Variants in DOCK10 observed in about 807,000 individuals in gnomAD.
The protein encoded by DOCK10 is dedicator of cytokinesis 10.
Under a neutral mutation model 280.1 loss-of-function variants are expected in DOCK10, and 145 were observed. The observed-to-expected ratio is 0.52, with a 90% confidence interval of 0.45 to 0.59. The LOEUF is 0.59. Among genes scored for constraint, DOCK10 ranks in the 20% least tolerant of loss-of-function variants. The pLI is 0.00. For synonymous variants in DOCK10, 915 were observed against 942.2 expected, an observed-to-expected ratio of 0.97 and a Z score of 0.53; for missense variants, 2,368 against 2,651.7, an observed-to-expected ratio of 0.89 and a Z score of 2.35.
At chr2:224,937,779 A>G (rs1389145990) in intron 1 of DOCK10, among the ~76,000 whole-genome samples, 1 of 152,210 alleles carries the variant, frequency 6.6e-6, no homozygotes, top group Non-Finnish European at 1.5e-5. Context: ...TTGCAGATCA[A>G]AAGAGAAGGA....
chr2:224,931,511 C>A, intron 2 of DOCK10, 38 bp downstream of exon 2: 1 of 1,569,398 alleles, frequency 6.4e-7, no homozygotes, highest in Non-Finnish European at 8.7e-7. Flanking sequence ...TGTGTAGGGC[C>A]CTCCTGAATC....
At chr2:225,035,570 A>AT (rs368666534) in intron 1 of DOCK10, among the ~76,000 whole-genome samples, 3,537 of 58,094 alleles carry the variant, frequency 0.061, 328 homozygotes, top group South Asian at 0.12. Flanking sequence ...ATATATATAT[A>AT]TATATATATA....
At position 224,843,226 on chromosome 2, in the gene DOCK10, C is replaced by T. The variant is rs947845459; in HGVS notation, c.2569-1330G>A. 5.9e-4 allele frequency among the ~76,000 whole-genome samples: 90 copies of T among 152,158 alleles called. 1 individual carries two copies. The highest frequency in any genetic ancestry group is 2.0e-3 in the African/African-American group (82 of 41,514). On this transcript the variant is annotated intron_variant, in intron 22 of 55. Coordinates refer to ENST00000258390, the MANE Select transcript of DOCK10 (RefSeq NM_014689.3). ...GTGTCAAAGGGATCACTGGGTCTTGCGGGAACTAGGTGGATATTGTTTGGC... is the reference window on the plus strand; with the variant it reads ...GTGTCAAAGGGATCACTGGGTCTTGTGGGAACTAGGTGGATATTGTTTGGC...
intron 2 of DOCK10, among the ~76,000 whole-genome samples, chr2:224,922,094 G>A (rs902123152): frequency 1.4e-5 from 2 of 144,536 alleles, no homozygotes; most frequent in African/African-American, 2.6e-5. Flanking sequence ...ACTCCAGCCC[G>A]GGCAGCAAGA....
chr2:224,896,491 C>T, intron 3 of DOCK10, 114 bp from the exon 4 acceptor site: 1 of 591,910 alleles, frequency 1.7e-6, no homozygotes, highest in African/African-American at 1.9e-5. Context: ...GGTAGATCAC[C>T]TGAGATCAGG....
chr2:224,832,717 AT>A (rs1695315653), intron 26 of DOCK10, among the ~76,000 whole-genome samples: 1 of 152,192 alleles, frequency 6.6e-6, no homozygotes, highest in African/African-American at 2.4e-5. Flanking sequence ...TGTCCAAAAT[AT>A]TTTGAGCCAT....
chr2:224,864,609 T>C lies in DOCK10; in HGVS notation c.1546A>G (p.Met516Val), dbSNP rs760207989. 3.3e-5 allele frequency: 53 copies of C among 1,613,434 alleles called. No homozygotes were observed. The highest frequency in any genetic ancestry group is 4.5e-5 in the Non-Finnish European group (53 of 1,179,824). Residue 516 changes from methionine (M) to valine (V), a missense_variant, in exon 13 of 56, where the codon ATG (methionine) becomes GTG (valine). Transcript: ENST00000258390. ...TCGGCACCACTTGCAATGTTTCCCA[T>C]CAAGACTTTTTCGATTTTGGCCACC... ...VLVAKIEKVLMGNIASGAEPY... is the reference protein window; with the variant it reads ...VLVAKIEKVLVGNIASGAEPY...
At chr2:224,877,867 T>C (rs527656436) in intron 7 of DOCK10, among the ~76,000 whole-genome samples, 9 of 152,314 alleles carry the variant, frequency 5.9e-5, no homozygotes, top group Middle Eastern at 3.4e-3. Flanking sequence ...GTTGGAAAGA[T>C]TACTGAAGAT....
chr2:224,946,899 T>C, intron 1 of DOCK10: 1 of 1,547,160 alleles, frequency 6.5e-7, no homozygotes, highest in Non-Finnish European at 8.7e-7. Context: ...AGTTCGTCTC[T>C]TCTTCCAAAA....
intron 3 of DOCK10, among the ~76,000 whole-genome samples, chr2:224,913,588 G>T (rs1455128602): frequency 6.6e-6 from 1 of 152,086 alleles, no homozygotes; most frequent in Non-Finnish European, 1.5e-5. Flanking sequence ...TCTGTGTATG[G>T]TACTGTACAT....
intron 4 of DOCK10, among the ~76,000 whole-genome samples, chr2:224,892,928 T>C (rs1325663698): frequency 6.6e-6 from 1 of 152,250 alleles, no homozygotes; most frequent in African/African-American, 2.4e-5. Flanking sequence ...TTAAAGGTCA[T>C]GAAAAGATCA....
At chr2:224,872,943 T>TA (rs1407997533) in intron 11 of DOCK10, among the ~76,000 whole-genome samples, 1 of 152,200 alleles carries the variant, frequency 6.6e-6, no homozygotes, top group Non-Finnish European at 1.5e-5. Context: ...TGAGTGATTT[T>TA]AAAAAATAAT....
intron 3 of DOCK10, among the ~76,000 whole-genome samples, chr2:224,910,835 G>A (rs11682768): frequency 0.57 from 86,635 of 151,962 alleles, 25,461 homozygotes; most frequent in Non-Finnish European, 0.64. Context: ...CCCATCCTAT[G>A]AAGCACAGGT....
intron 1 of DOCK10, among the ~76,000 whole-genome samples, chr2:224,991,015 C>G (rs1559933247): frequency 6.6e-6 from 1 of 152,238 alleles, no homozygotes; most frequent in Non-Finnish European, 1.5e-5. Context: ...GCTTGCTGAA[C>G]TAAGCTCACA....
chr2:224,853,189 A>T, intron 16 of DOCK10, 67 bp from the exon 17 acceptor site: 1 of 1,331,038 alleles, frequency 7.5e-7, no homozygotes, highest in Non-Finnish European at 1.0e-6. Flanking sequence ...AATAGTTAAC[A>T]TGTTTTAAAA....
At chr2:224,917,101 CTTTTTTTTT>C (rs58223345) in intron 2 of DOCK10, among the ~76,000 whole-genome samples, 30,122 of 96,374 alleles carry the variant, frequency 0.31, 4,535 homozygotes, top group Middle Eastern at 0.48. Flanking sequence ...CTATTGGAAT[CTTTTTTTTT>C]TTTTTTTTTT....
At chr2:224,861,474 G>A (rs144972614) in intron 14 of DOCK10, 3 of 152,310 alleles carry the variant, frequency 2.0e-5, no homozygotes, top group South Asian at 2.1e-4. Context: ...TAGGGCAAAC[G>A]AATTCCTGGA....
intron 1 of DOCK10, among the ~76,000 whole-genome samples, chr2:224,968,310 T>G (rs1257712801): frequency 6.6e-6 from 1 of 152,196 alleles, no homozygotes; most frequent in Non-Finnish European, 1.5e-5. Flanking sequence ...TAGTTTAAAC[T>G]TTTGATTCAT....
intron 3 of DOCK10, among the ~76,000 whole-genome samples, chr2:224,902,703 ATT>A (rs34406882): frequency 2.7e-5 from 4 of 146,238 alleles, no homozygotes; most frequent in Non-Finnish European, 1.5e-5. Context: ...CACTGAAAAC[ATT>A]TTTTTTTTTT....
Sources: allele counts gnomAD v4.1 joint callset (sites outside exome capture counted in the v4.1 genomes callset), GRCh38; gene constraint gnomAD v4.1.1; transcripts MANE v1.5; gene names NCBI Gene and HGNC (gene_info 2026-07-23, HGNC 2026-07-21).